Variants in CHST9 observed in about 807,000 individuals in gnomAD.
CHST9 encodes GalNAc-4-sulfotransferase 2.
CHST9 carries 41 observed loss-of-function variants against 44.4 expected under a neutral mutation model. The ratio of observed to expected loss-of-function variants is 0.92; its 90% CI spans 0.72 to 1.20. The LOEUF (loss-of-function observed/expected upper bound fraction) is 1.20. Ranked by LOEUF, CHST9 falls within the 50% of genes most tolerant of loss-of-function variation. The pLI is 0.00. For synonymous variants in CHST9, 171 were observed against 178.4 expected (o/e 0.96, Z 0.33); for missense variants, 504 against 516.5 (o/e 0.98, Z 0.23).
Position 26,918,133 on chromosome 18 carries a change from A to G in CHST9, c.241-783T>C, listed in dbSNP as rs1311725934. Among the ~76,000 whole-genome samples the G allele has an allele frequency of 1.3e-4, 20 of 152,226 alleles. No individual in the cohort carries two copies. The Middle Eastern group carries it at 0.01, about 78-fold the overall frequency. On this transcript the variant is annotated intron_variant, in intron 5 of 5. Transcript: ENST00000618847. Reference sequence around the variant, plus strand: ...TACCACATACTGTTCATCTTGCCACATCCTTCCTACAACTCTCACAGTAAA... The same window carrying G: ...TACCACATACTGTTCATCTTGCCACGTCCTTCCTACAACTCTCACAGTAAA...
At chr18:26,934,688 A>G (rs2055954729) in intron 5 of CHST9, 1 of 152,180 alleles carries the variant, frequency 6.6e-6, no homozygotes, top group South Asian at 2.1e-4. Context: ...ACAGGATACA[A>G]TTTCAGGAAA....
intron 2 of CHST9, among the ~76,000 whole-genome samples, chr18:27,071,752 A>T (rs535936112): frequency 6.6e-6 from 1 of 152,322 alleles, no homozygotes; most frequent in Non-Finnish European, 1.5e-5. Flanking sequence ...TATAAAAGTG[A>T]CATTATTGCT....
In CHST9 at chr18:27,185,162, AG is replaced by A. The variant is rs2058946770; in HGVS notation, c.-124del. On this transcript the variant is annotated 5_prime_UTR_variant, in exon 1 of 6. Coordinates refer to ENST00000618847, the MANE Select transcript of CHST9 (RefSeq NM_031422.6). Reference sequence around the variant, plus strand: ...TCGCGGGCCGCTGCCGGGCGCTTGCAGGTGCTGCTGTTCCAGGAGCGCAGCT... The same window carrying A: ...TCGCGGGCCGCTGCCGGGCGCTTGCAGTGCTGCTGTTCCAGGAGCGCAGCT... The A allele has an allele frequency of 4.6e-5, 7 of 151,142 alleles. No homozygotes were observed. Among genetic ancestry groups the A allele is most frequent in the Admixed American group, 4.0e-4 (6 of 15,150 alleles). 9.4% of individuals were successfully genotyped at this position (151,142 alleles called of 1,614,324 possible).
intron 4 of CHST9, among the ~76,000 whole-genome samples, chr18:26,969,551 C>T (rs992465975): frequency 5.9e-5 from 9 of 152,128 alleles, no homozygotes; most frequent in Admixed American, 2.6e-4. Flanking sequence ...GCTAGGCACT[C>T]TCCTGGGCTC....
At chr18:27,144,556 C>A (rs900490718) in intron 1 of CHST9, among the ~76,000 whole-genome samples, 5 of 152,030 alleles carry the variant, frequency 3.3e-5, no homozygotes, top group African/African-American at 1.2e-4. Context: ...AGCGTGGTGC[C>A]ATGGGCCTCT....
chr18:27,082,907 A>C (rs1001764812), intron 2 of CHST9, among the ~76,000 whole-genome samples: 1 of 152,168 alleles, frequency 6.6e-6, no homozygotes, highest in East Asian at 1.9e-4. Context: ...GATTTTCACA[A>C]ATCTTTTAGC....
At chr18:27,056,648 G>C (rs2057659816) in intron 2 of CHST9, among the ~76,000 whole-genome samples, 1 of 152,108 alleles carries the variant, frequency 6.6e-6, no homozygotes, top group Non-Finnish European at 1.5e-5. Context: ...TCTCACCTTG[G>C]TGCCTGGGAC....
intron 4 of CHST9, among the ~76,000 whole-genome samples, chr18:26,998,391 A>G (rs1399883074): frequency 6.6e-6 from 1 of 152,218 alleles, no homozygotes; most frequent in Non-Finnish European, 1.5e-5. Context: ...ATAATATGAA[A>G]GATGAAATAA....
At chr18:27,162,421 A>G (rs902528890) in intron 1 of CHST9, among the ~76,000 whole-genome samples, 9 of 152,262 alleles carry the variant, frequency 5.9e-5, no homozygotes, top group African/African-American at 1.9e-4. Context: ...TTCTTTAAGA[A>G]TGTTGAATAT....
At chr18:26,959,744 C>T (rs779619129) in intron 4 of CHST9, among the ~76,000 whole-genome samples, 1 of 152,174 alleles carries the variant, frequency 6.6e-6, no homozygotes, top group Non-Finnish European at 1.5e-5. Context: ...GCCAGTATCA[C>T]GGAGGACTCT....
intron 4 of CHST9, among the ~76,000 whole-genome samples, chr18:26,977,361 C>T (rs2056635746): frequency 6.7e-6 from 1 of 149,296 alleles, no homozygotes. Flanking sequence ...AGTGACCTTT[C>T]ACTACCAAGC....
intron 2 of CHST9, among the ~76,000 whole-genome samples, chr18:27,081,138 G>A (rs1245402056): frequency 6.6e-6 from 1 of 152,118 alleles, no homozygotes; most frequent in Non-Finnish European, 1.5e-5. Flanking sequence ...ATCAGTTCCA[G>A]CCTAGCCAAC....
chr18:27,164,920 A>T (rs1490311727), intron 1 of CHST9, among the ~76,000 whole-genome samples: 4 of 152,230 alleles, frequency 2.6e-5, no homozygotes, highest in African/African-American at 9.6e-5. Flanking sequence ...TGTAAAATAA[A>T]CATTTTCAGA....
rs1371549809 is a variant in CHST9 at position 26,969,372 on chromosome 18, C to CTGTGTG, written c.203-25007_203-25006insCACACA. The stretch of plus-strand genomic sequence containing the variant: ...CTTCCTTTTTTGATTCTCTCTCTCT[C>CTGTGTG]TCTCTGTGTGTGTGTGTGTGTGTGT... On this transcript the variant is annotated intron_variant, in intron 4 of 5. Coordinates refer to ENST00000618847, the MANE Select transcript of CHST9 (RefSeq NM_031422.6). Among the ~76,000 whole-genome samples the CTGTGTG allele has an allele frequency of 3.8e-3, 458 of 122,094 alleles. 2 individuals carry two copies. The highest frequency in any genetic ancestry group is 8.0e-3 in the Admixed American group (92 of 11,480). 80.1% of individuals were successfully genotyped at this position (122,094 alleles called of 152,430 possible). A position where few individuals can be genotyped will look rare whatever the true frequency, so the allele number is the denominator to read the frequency against.
At chr18:27,174,035 G>T (rs1015838717) in intron 1 of CHST9, among the ~76,000 whole-genome samples, 1 of 151,828 alleles carries the variant, frequency 6.6e-6, no homozygotes, top group African/African-American at 2.4e-5. Context: ...TCTCCCTAAA[G>T]ACACATCCTT....
chr18:27,112,666 GA>G (rs1387596394), intron 2 of CHST9, among the ~76,000 whole-genome samples: 1 of 148,652 alleles, frequency 6.7e-6, no homozygotes, highest in Admixed American at 6.7e-5. Flanking sequence ...TGTTTTCTTG[GA>G]AAACTTTAAT....
chr18:26,972,783 G>A (rs1428761075), intron 4 of CHST9, among the ~76,000 whole-genome samples: 1 of 152,232 alleles, frequency 6.6e-6, no homozygotes, highest in Non-Finnish European at 1.5e-5. Flanking sequence ...CTCACCCGGG[G>A]ATGGCGCTTT....
intron 3 of CHST9, among the ~76,000 whole-genome samples, chr18:27,033,473 T>A (rs977831058): frequency 6.6e-6 from 1 of 152,332 alleles, no homozygotes; most frequent in East Asian, 1.9e-4. Flanking sequence ...GTCCAATATT[T>A]CCTAGTTGCA....
intron 5 of CHST9, chr18:26,925,984 T>A (rs1444144180): frequency 6.6e-6 from 1 of 152,020 alleles, no homozygotes; most frequent in Non-Finnish European, 1.5e-5. Context: ...AAGAGAAGGA[T>A]AAGACACTTG....
Sources: gnomAD v4.1 joint callset for allele counts (sites outside exome capture counted in the v4.1 genomes callset) on GRCh38, gnomAD v4.1.1 for gene constraint, MANE v1.5 for transcripts, NCBI Gene and HGNC (gene_info 2026-07-23, HGNC 2026-07-21) for gene names.